The following TOX3 variants were observed in gnomAD, a reference collection of about 807,000 sequenced individuals.
The protein encoded by TOX3 is CAG trinucleotide repeat-containing gene F9 protein.
A neutral mutation model predicts 64.3 loss-of-function variants in TOX3; 22 were observed. That is an observed-to-expected ratio of 0.34 (90% CI 0.24 to 0.49). The LOEUF (loss-of-function observed/expected upper bound fraction) is 0.49, where lower values mean the gene tolerates loss of function less well. Ranked by LOEUF, TOX3 falls within the 20% of genes least tolerant of loss-of-function variation. The pLI, the probability that TOX3 is intolerant of heterozygous loss-of-function variation, is 0.99. For missense variants in TOX3, 661 were observed against 714.4 expected (o/e 0.93, Z 0.85); for synonymous variants, 291 against 273.6 (o/e 1.06, Z -0.63).
chr16:52,496,837 A>G (rs770394066), intron 1 of TOX3, among the ~76,000 whole-genome samples: 1 of 152,130 alleles, frequency 6.6e-6, no homozygotes, highest in Non-Finnish European at 1.5e-5. Context: ...ACCCATGAAC[A>G]GTTAGTGCCC....
At chr16:52,541,532 C>T (rs1963077830) in intron 1 of TOX3, among the ~76,000 whole-genome samples, 1 of 152,156 alleles carries the variant, frequency 6.6e-6, no homozygotes, top group South Asian at 2.1e-4. Flanking sequence ...TAAAGAAAAG[C>T]TGGAATCCAG....
chr16:52,538,545 T>C (rs895764305), intron 1 of TOX3, among the ~76,000 whole-genome samples: 1 of 152,184 alleles, frequency 6.6e-6, no homozygotes, highest in African/African-American at 2.4e-5. Context: ...TCAATGTAGA[T>C]AAGGCTACAT....
chr16:52,541,455 G>C (rs929123053), intron 1 of TOX3, among the ~76,000 whole-genome samples: 1 of 152,160 alleles, frequency 6.6e-6, no homozygotes, highest in Non-Finnish European at 1.5e-5. Context: ...ATGGGGTACA[G>C]GCACATCTGA....
chr16:52,517,473 C>G (rs576208360), intron 1 of TOX3, among the ~76,000 whole-genome samples: 1 of 152,076 alleles, frequency 6.6e-6, no homozygotes, highest in Non-Finnish European at 1.5e-5. Flanking sequence ...TGGCTCTCTT[C>G]TTGGTGGTGC....
At chr16:52,477,988 C>T (rs1048199682) in intron 1 of TOX3, among the ~76,000 whole-genome samples, 4 of 152,164 alleles carry the variant, frequency 2.6e-5, no homozygotes, top group Non-Finnish European at 5.9e-5. Flanking sequence ...CAGGAATGTG[C>T]CACCATGCCA....
At chr16:52,547,192 G>T (rs1258873262), upstream of TOX3, among the ~76,000 whole-genome samples, 1 of 101,998 alleles carries the variant, frequency 9.8e-6, no homozygotes, top group African/African-American at 3.7e-5. Context: ...CTCAGCCGCC[G>T]GTCCCCTCCC....
Position 52,444,499 on chromosome 16 carries a change from G to GCACACACACACACA in TOX3, c.907-157_907-144dup, listed in dbSNP as rs200173557. On this transcript the variant is annotated intron_variant, in intron 5 of 6. Coordinates refer to ENST00000219746, the MANE Select transcript of TOX3 (RefSeq NM_001080430.4). ...CTTTGATTTTTAAATGTTAGCGCAT[G>GCACACACACACACA]CACACACACACACACACACACACAC... The GCACACACACACACA allele has an allele frequency of 7.7e-4, 293 of 380,858 alleles. 1 individual carries two copies. Among genetic ancestry groups the GCACACACACACACA allele is most frequent in the African/African-American group, 5.5e-3 (247 of 44,854 alleles). The allele number at this position is 380,858 out of a possible 1,614,324, so 23.6% of individuals were successfully genotyped here.
chr16:52,508,510 T>C (rs1462336243), intron 1 of TOX3, among the ~76,000 whole-genome samples: 1 of 152,076 alleles, frequency 6.6e-6, no homozygotes, highest in Non-Finnish European at 1.5e-5. Flanking sequence ...ATTACAAAAC[T>C]AATATTGAAG....
At chr16:52,536,143 C>T (rs1003020280) in intron 1 of TOX3, among the ~76,000 whole-genome samples, 1 of 152,106 alleles carries the variant, frequency 6.6e-6, no homozygotes, top group African/African-American at 2.4e-5. Flanking sequence ...AGTAAATACA[C>T]CCCCTATCCT....
In TOX3 at chr16:52,485,258, A is replaced by G. The variant is rs1567329580; in HGVS notation, c.88-16684T>C. Reference sequence around the variant, plus strand: ...TGTATGTGTGTGTGTATATATATATATATATATATATATACATATCTCCCA... The same window carrying G: ...TGTATGTGTGTGTGTATATATATATGTATATATATATATACATATCTCCCA... On this transcript the variant is annotated intron_variant, in intron 1 of 6. Coordinates refer to ENST00000219746, the MANE Select transcript of TOX3 (RefSeq NM_001080430.4). Among the ~76,000 whole-genome samples, 3 of 146,512 alleles carry G rather than the reference A, an allele frequency of 2.0e-5. 1 individual carries two copies. The highest frequency in any genetic ancestry group is 7.7e-5 in the African/African-American group (3 of 38,978).
At chr16:52,492,534 A>G (rs1961718832) in intron 1 of TOX3, among the ~76,000 whole-genome samples, 1 of 137,954 alleles carries the variant, frequency 7.2e-6, no homozygotes, top group Non-Finnish European at 1.5e-5. Context: ...AAAAATGACC[A>G]ATAACACAAC....
intron 1 of TOX3, among the ~76,000 whole-genome samples, chr16:52,538,879 C>A (rs1054430658): frequency 6.6e-6 from 1 of 152,128 alleles, no homozygotes; most frequent in Non-Finnish European, 1.5e-5. Flanking sequence ...ATAAAACGAT[C>A]TACCTCAAAG....
At chr16:52,497,921 A>G (rs996697132) in intron 1 of TOX3, among the ~76,000 whole-genome samples, 2 of 152,230 alleles carry the variant, frequency 1.3e-5, no homozygotes, top group Non-Finnish European at 2.9e-5. Context: ...AATTTGCTCT[A>G]TAATGGGAAG....
chr16:52,483,314 C>T (rs1383266007), intron 1 of TOX3, among the ~76,000 whole-genome samples: 8 of 152,102 alleles, frequency 5.3e-5, no homozygotes, highest in Non-Finnish European at 8.8e-5. Context: ...CAGAATTCCC[C>T]AAGGAAAAAT....
At chr16:52,451,981 A>C (rs1344261533) in intron 3 of TOX3, among the ~76,000 whole-genome samples, 1 of 152,056 alleles carries the variant, frequency 6.6e-6, no homozygotes, top group Non-Finnish European at 1.5e-5. Context: ...GCCTCTTCCC[A>C]CTAGATGCTA....
At chr16:52,447,901 T>A (rs1002978504) in intron 4 of TOX3, among the ~76,000 whole-genome samples, 5 of 152,166 alleles carry the variant, frequency 3.3e-5, no homozygotes, top group African/African-American at 1.2e-4. Context: ...AATCTGGCAC[T>A]GTTAGTGCCA....
chr16:52,454,728 C>T (rs1352747522), intron 3 of TOX3, among the ~76,000 whole-genome samples: 3 of 152,172 alleles, frequency 2.0e-5, no homozygotes, highest in African/African-American at 7.2e-5. Context: ...TGAGCCCCTA[C>T]TATGTATCAG....
intron 1 of TOX3, among the ~76,000 whole-genome samples, chr16:52,546,150 T>A (rs1285680174): frequency 3.3e-5 from 5 of 151,710 alleles, no homozygotes; most frequent in African/African-American, 4.8e-5. Context: ...CTCAAAAGTT[T>A]GTTCCTTTCC....
chr16:52,455,312 T>C (rs1301138913), intron 3 of TOX3, among the ~76,000 whole-genome samples: 1 of 152,072 alleles, frequency 6.6e-6, no homozygotes, highest in Non-Finnish European at 1.5e-5. Flanking sequence ...AGGGGCATTC[T>C]GTACATTATA....
Sources: gnomAD v4.1 joint callset for allele counts (sites outside exome capture counted in the v4.1 genomes callset) on GRCh38, gnomAD v4.1.1 for gene constraint, MANE v1.5 for transcripts, NCBI Gene and HGNC (gene_info 2026-07-23, HGNC 2026-07-21) for gene names.